The following ALCAM variants were observed in gnomAD, a reference collection of about 807,000 sequenced individuals.
ALCAM encodes the protein CD166 antigen.
Under a neutral mutation model 70.9 loss-of-function variants are expected in ALCAM, and 30 were observed. The observed-to-expected ratio is 0.42, with a 90% confidence interval of 0.32 to 0.57. The LOEUF (loss-of-function observed/expected upper bound fraction) is 0.57, where lower values mean the gene tolerates loss of function less well. Among genes scored for constraint, ALCAM ranks in the 20% least tolerant of loss-of-function variants. The pLI is 0.11. For synonymous variants in ALCAM, 249 were observed against 242.5 expected (o/e 1.03, Z -0.25); for missense variants, 591 against 695.1 (o/e 0.85, Z 1.68).
At position 105,524,540 on chromosome 3, in the gene ALCAM, T is replaced by C. The variant is rs768241426; in HGVS notation, c.394+32T>C. ...AGTCTGCAGCAGTGTCACTGCTAAG[T>C]GGGATTGATGGCCAGTACCAGACCA... On this transcript the variant is annotated intron_variant, in intron 3 of 15. Transcript: ENST00000306107. 2.5e-6 allele frequency: 4 copies of C among 1,612,732 alleles called. No homozygotes were observed. In the East Asian group the frequency reaches 8.9e-5, roughly 36 times the overall value.
chr3:105,511,757 G>A (rs1939244465), intron 1 of ALCAM, among the ~76,000 whole-genome samples: 1 of 151,934 alleles, frequency 6.6e-6, no homozygotes, highest in South Asian at 2.1e-4. Context: ...GAGCAAAAAG[G>A]TATTTCAACT....
At chr3:105,375,708 A>G (rs894890490) in intron 1 of ALCAM, among the ~76,000 whole-genome samples, 2 of 152,202 alleles carry the variant, frequency 1.3e-5, no homozygotes, top group Non-Finnish European at 2.9e-5. Context: ...TACAACTCCC[A>G]TTCTGTTCTT....
intron 8 of ALCAM, among the ~76,000 whole-genome samples, chr3:105,542,048 T>C (rs760310668): frequency 6.6e-6 from 1 of 151,904 alleles, no homozygotes; most frequent in South Asian, 2.1e-4. Flanking sequence ...AATATTCATA[T>C]AGACCTTAAA....
chr3:105,503,473 C>T (rs575200139), intron 1 of ALCAM, among the ~76,000 whole-genome samples: 6 of 152,288 alleles, frequency 3.9e-5, no homozygotes, highest in Non-Finnish European at 8.8e-5. Flanking sequence ...CTCCTTTTCA[C>T]TGTGCCTCTT....
intron 1 of ALCAM, among the ~76,000 whole-genome samples, chr3:105,473,217 C>A (rs1366968743): frequency 6.6e-6 from 1 of 151,504 alleles, no homozygotes; most frequent in Non-Finnish European, 1.5e-5. Context: ...GGAGTTCAAG[C>A]ATGTTTAACC....
chr3:105,473,650 C>T (rs2152604295), intron 1 of ALCAM, among the ~76,000 whole-genome samples: 1 of 151,650 alleles, frequency 6.6e-6, no homozygotes, highest in South Asian at 2.1e-4. Context: ...CACCACAGCT[C>T]AGAAACCCTG....
chr3:105,407,660 A>C (rs1374910990), intron 1 of ALCAM, among the ~76,000 whole-genome samples: 1 of 152,192 alleles, frequency 6.6e-6, no homozygotes, highest in Non-Finnish European at 1.5e-5. Flanking sequence ...TAACTGGAAC[A>C]AGATAAGGAT....
At chr3:105,439,414 A>G (rs964096855) in intron 1 of ALCAM, 3 of 151,248 alleles carry the variant, frequency 2.0e-5, no homozygotes, top group Non-Finnish European at 4.4e-5. Flanking sequence ...TAAGCATGGA[A>G]AAAAAAAACC....
intron 1 of ALCAM, among the ~76,000 whole-genome samples, chr3:105,478,279 T>C (rs555087126): frequency 6.6e-6 from 1 of 152,302 alleles, no homozygotes; most frequent in South Asian, 2.1e-4. Context: ...ATTTTTGTTA[T>C]GTTCTTTTAA....
At chr3:105,429,864 T>C (rs1306962950) in intron 1 of ALCAM, among the ~76,000 whole-genome samples, 1 of 152,002 alleles carries the variant, frequency 6.6e-6, no homozygotes, top group East Asian at 1.9e-4. Flanking sequence ...TAAAATTCAT[T>C]TCTATATTGT....
At chr3:105,384,343 G>C (rs1935597596) in intron 1 of ALCAM, among the ~76,000 whole-genome samples, 2 of 151,532 alleles carry the variant, frequency 1.3e-5, no homozygotes, top group Non-Finnish European at 3.0e-5. Flanking sequence ...GAACTTAATA[G>C]TTTTAAGTCT....
intron 1 of ALCAM, among the ~76,000 whole-genome samples, chr3:105,432,425 T>A (rs780225932): frequency 6.6e-6 from 1 of 152,172 alleles, no homozygotes; most frequent in Non-Finnish European, 1.5e-5. Flanking sequence ...ACACTTCCCA[T>A]AGAAAACTGC....
At chr3:105,376,123 G>A (rs1935372056) in intron 1 of ALCAM, among the ~76,000 whole-genome samples, 1 of 151,002 alleles carries the variant, frequency 6.6e-6, no homozygotes. Context: ...GACAGAGACA[G>A]AGAGAGAGAG....
rs1197940123 is a variant in ALCAM at position 105,491,132 on chromosome 3, G to T, written c.74-28935G>T. Among the ~76,000 whole-genome samples the T allele has an allele frequency of 5.9e-5, 9 of 152,288 alleles. No homozygotes were observed. The East Asian group carries it at 1.7e-3, about 29-fold the overall frequency. On this transcript the variant is annotated intron_variant, in intron 1 of 15. Transcript: ENST00000306107. Reference sequence around the variant, plus strand: ...CTGAACACCACATGTAAGCTTCCAAGGCTTGCACCTTGCACCCTCTAAAGC... The same window carrying T: ...CTGAACACCACATGTAAGCTTCCAATGCTTGCACCTTGCACCCTCTAAAGC...
rs373610480 is a variant in ALCAM at position 105,403,804 on chromosome 3, A to G, written c.73+36323A>G. On this transcript the variant is annotated intron_variant, in intron 1 of 15. Transcript: ENST00000306107. Reference sequence around the variant, plus strand: ...AAGCTAATCCAGGAGCCACCAGAGAAAAGTGAAGTCCAACTTAATGAAATA... The same window carrying G: ...AAGCTAATCCAGGAGCCACCAGAGAGAAGTGAAGTCCAACTTAATGAAATA... Among the ~76,000 whole-genome samples the G allele has an allele frequency of 3.3e-5, 5 of 151,918 alleles. No individual in the cohort carries two copies. In the East Asian group the frequency reaches 9.7e-4, roughly 30 times the overall value.
intron 1 of ALCAM, chr3:105,440,876 C>G (rs987875855): frequency 6.6e-6 from 1 of 152,178 alleles, no homozygotes; most frequent in Non-Finnish European, 1.5e-5. Flanking sequence ...GTGAGTTACT[C>G]TGGTAGTCCT....
chr3:105,466,573 G>T (rs763337563), intron 1 of ALCAM, among the ~76,000 whole-genome samples: 4 of 151,026 alleles, frequency 2.6e-5, no homozygotes, highest in African/African-American at 9.7e-5. Context: ...TTTTTCATGT[G>T]CCAGGATGTG....
intron 9 of ALCAM, among the ~76,000 whole-genome samples, chr3:105,545,998 T>G (rs1016887336): frequency 6.6e-6 from 1 of 151,444 alleles, no homozygotes; most frequent in African/African-American, 2.4e-5. Flanking sequence ...GAACAAGTGC[T>G]TATACTCTTG....
chr3:105,506,303 GTAGCTGAAGAACACACACTTA>G (rs1464433352), intron 1 of ALCAM, among the ~76,000 whole-genome samples: 12 of 152,172 alleles, frequency 7.9e-5, no homozygotes, highest in Non-Finnish European at 1.8e-4. Flanking sequence ...AGGTAGAATT[GTAGCTGAAGAACACACACTTA>G]TAGCATATTT....
Sources: allele counts gnomAD v4.1 joint callset (sites outside exome capture counted in the v4.1 genomes callset), GRCh38; gene constraint gnomAD v4.1.1; transcripts MANE v1.5; gene names NCBI Gene and HGNC (gene_info 2026-07-23, HGNC 2026-07-21).